ZNG1A: variants seen among roughly 807,000 people sequenced by gnomAD.
ZNG1A encodes Zn regulated GTPase metalloprotein activator 1A.
the ZNG1A span, among the ~76,000 whole-genome samples, chr9:135,273 A>C: frequency 6.7e-6 from 1 of 150,098 alleles, no homozygotes; most frequent in South Asian, 2.1e-4. Flanking sequence ...AATAAAGAGA[A>C]AAACTAGTCT....
chr9:139,752 G>A, the ZNG1A span, among the ~76,000 whole-genome samples: 6 of 151,504 alleles, frequency 4.0e-5, no homozygotes, highest in African/African-American at 1.2e-4. Flanking sequence ...CTGAGGTACC[G>A]GGTTCATCTC....
chr9:139,855 G>A, the ZNG1A span, among the ~76,000 whole-genome samples: 12 of 151,630 alleles, frequency 7.9e-5, no homozygotes, highest in Middle Eastern at 3.4e-3. Context: ...CTTGGGAAGC[G>A]CAGGGGGTCA....
chr9:136,147 C>T, the ZNG1A span, among the ~76,000 whole-genome samples: 22,678 of 64,258 alleles, frequency 0.35, 8,917 homozygotes, highest in African/African-American at 0.66. Flanking sequence ...TTAGTTCCCA[C>T]AAGTCTCAGA....
At chr9:141,873 C>A in the ZNG1A span, among the ~76,000 whole-genome samples, 54 of 152,192 alleles carry the variant, frequency 3.5e-4, no homozygotes, top group African/African-American at 1.3e-3. Context: ...GAAAACAAAA[C>A]AAGGCAGGGG....
the ZNG1A span, among the ~76,000 whole-genome samples, chr9:158,559 G>A: frequency 6.6e-6 from 1 of 150,904 alleles, no homozygotes; most frequent in African/African-American, 2.5e-5. Context: ...ATGCCTAAAG[G>A]TAACTAATAC....
the ZNG1A span, among the ~76,000 whole-genome samples, chr9:129,184 G>C: frequency 6.6e-6 from 1 of 152,242 alleles, no homozygotes; most frequent in Non-Finnish European, 1.5e-5. Flanking sequence ...ACTTTCCAGA[G>C]AGTGTCAGTT....
chr9:145,615 G>T, the ZNG1A span, among the ~76,000 whole-genome samples: 2 of 150,926 alleles, frequency 1.3e-5, no homozygotes, highest in African/African-American at 4.9e-5. Flanking sequence ...GAGTCAGTGG[G>T]TGCAGCGCAC....
At chr9:165,375 CTT>C in the ZNG1A span, among the ~76,000 whole-genome samples, 1 of 148,220 alleles carries the variant, frequency 6.7e-6, no homozygotes, top group Non-Finnish European at 1.5e-5. Context: ...ATATTTGCCT[CTT>C]AAGTTGAAAT....
the ZNG1A span, chr9:172,015 T>C: frequency 6.2e-7 from 1 of 1,606,780 alleles, no homozygotes; most frequent in Non-Finnish European, 8.5e-7. Context: ...TAGATATTCC[T>C]CTAATACATC....
chr9:161,715 A>G, the ZNG1A span: 1 of 736,618 alleles, frequency 1.4e-6, no homozygotes, highest in South Asian at 1.4e-5. Flanking sequence ...AGATCTTACT[A>G]AATGCATTTT....
chr9:161,612 G>A, the ZNG1A span: 31 of 1,286,644 alleles, frequency 2.4e-5, no homozygotes, highest in African/African-American at 4.3e-4. Context: ...CGGGTCAGTG[G>A]GTGGGATGAT....
chr9:135,808 G>C, the ZNG1A span, among the ~76,000 whole-genome samples: 24,721 of 99,834 alleles, frequency 0.25, 613 homozygotes, highest in Non-Finnish European at 0.27. Context: ...AGTCTCTTTG[G>C]GGGGTCCTAG....
chr9:156,477 A>C, the ZNG1A span: 7 of 1,592,096 alleles, frequency 4.4e-6, no homozygotes, highest in East Asian at 1.6e-4. Flanking sequence ...TTAAATATGA[A>C]TACCTAGTAG....
At chr9:128,841 T>C in the ZNG1A span, among the ~76,000 whole-genome samples, 2 of 150,702 alleles carry the variant, frequency 1.3e-5, no homozygotes, top group South Asian at 2.1e-4. Context: ...TGAAGGTTGT[T>C]GTTCAGATTC....
At chr9:147,854 C>CCT in the ZNG1A span, 19 of 146,224 alleles carry the variant, frequency 1.3e-4, no homozygotes, top group East Asian at 3.2e-3. Context: ...GTGGCGAAAC[C>CCT]GTCTCTACTA....
the ZNG1A span, among the ~76,000 whole-genome samples, chr9:139,407 G>T: frequency 3.4e-5 from 5 of 148,724 alleles, no homozygotes; most frequent in African/African-American, 1.3e-4. Flanking sequence ...TAAAGCTTCA[G>T]TTATAAAGAG....
At chr9:131,986 G>A in the ZNG1A span, among the ~76,000 whole-genome samples, 10 of 136,054 alleles carry the variant, frequency 7.4e-5, no homozygotes, top group Non-Finnish European at 1.4e-4. Context: ...TTAAACATCC[G>A]TATTGCTCTT....
chr9:122,314 A>G, the ZNG1A span: 1 of 1,413,672 alleles, frequency 7.1e-7, no homozygotes, highest in Middle Eastern at 2.7e-4. Flanking sequence ...CTTTTTGAAC[A>G]ATCCCCTTTT....
the ZNG1A span, chr9:150,262 G>C: frequency 6.6e-6 from 1 of 150,984 alleles, no homozygotes; most frequent in Non-Finnish European, 1.3e-5. Context: ...GAGTAGCTGG[G>C]ACTACAGGCG....
Sources: allele counts gnomAD v4.1 joint callset (sites outside exome capture counted in the v4.1 genomes callset), GRCh38; gene constraint gnomAD v4.1.1; transcripts MANE v1.5; gene names NCBI Gene and HGNC (gene_info 2026-07-23, HGNC 2026-07-21).